Variants in MDC1 observed in about 807,000 individuals in gnomAD.
MDC1 encodes mediator of DNA damage checkpoint protein 1.
In MDC1, 81 loss-of-function variants were observed where a neutral mutation model predicts 142.5. The ratio of observed to expected loss-of-function variants is 0.57; its 90% confidence interval spans 0.47 to 0.68. The LOEUF (loss-of-function observed/expected upper bound fraction) is 0.68, where lower values mean the gene tolerates loss of function less well. Among genes scored for constraint, MDC1 ranks in the 30% least tolerant of loss-of-function variants. MDC1 has a pLI of 0.00. For missense variants in MDC1, 2,119 were observed against 2,547.9 expected, an observed-to-expected ratio of 0.83 and a Z score of 3.62; for synonymous variants, 797 against 968.4, an observed-to-expected ratio of 0.82 and a Z score of 3.29.
chr6:30,713,985 C>G lies in MDC1; in HGVS notation c.335G>C (p.Ser112Thr). The change falls in exon 3 of 15, where the codon AGT becomes ACT. Residue 112 changes from serine (S) to threonine (T), a missense_variant. By Grantham distance (58) the Ser-to-Thr change is moderately conservative. Coordinates refer to ENST00000376406, the MANE Select transcript of MDC1 (RefSeq NM_014641.3). The surrounding 1 kb of genome is among the most constrained non-coding windows in gnomAD (Gnocchi z 4.9). ...RPPKVLSPGVSHRLRDQELIL... is the reference protein window; with the variant it reads ...RPPKVLSPGVTHRLRDQELIL... ...CAATTCCTGGTCCCTCAGACGGTGACTCACCCCAGGGCTCAAAACCTTAGG... is the reference window on the plus strand; with the variant it reads ...CAATTCCTGGTCCCTCAGACGGTGAGTCACCCCAGGGCTCAAAACCTTAGG... The G allele has an allele frequency of 6.2e-7, 1 of 1,612,926 alleles. No individual in the cohort carries two copies. The highest frequency in any genetic ancestry group is 8.5e-7 in the Non-Finnish European group (1 of 1,180,008).
intron 5 of MDC1, 43 bp downstream of exon 5, chr6:30,711,831 C>A (rs1199137204): frequency 1.3e-6 from 2 of 1,548,610 alleles, no homozygotes; most frequent in Non-Finnish European, 1.7e-6. Flanking sequence ...CTGTTAGAAC[C>A]CTGGTTGATT....
intron 1 of MDC1, 189 bp downstream of exon 1, chr6:30,717,056 G>T: frequency 4.3e-6 from 1 of 231,966 alleles, no homozygotes; most frequent in Non-Finnish European, 7.1e-6. Context: ...GTTCCCTTGT[G>T]GCCCGACGTC....
rs1774196348 is a variant in MDC1, at chr6:30,707,980, T to C, written c.2599A>G (p.Arg867Gly). Residue 867 changes from arginine (R) to glycine (G), a missense_variant, in exon 8 of 15, where the codon AGA (arginine) becomes GGA (glycine). Physicochemically the swap from Arg to Gly is moderately radical, Grantham distance 125. Transcript: ENST00000376406. ...QDREQKQLLA[R>G]DTQRQESDKN... ...TCAGATTCTTGTCTCTGGGTGTCTC[T>C]AGCTAACAACTGTTTTTGTTCTCTG... 1 of 1,613,120 alleles carries C rather than the reference T, an allele frequency of 6.2e-7. No individual in the cohort carries two copies. The highest frequency in any genetic ancestry group is 8.5e-7 in the Non-Finnish European group (1 of 1,180,040).
chr6:30,704,695 T>C lies in MDC1; in HGVS notation c.4488A>G (p.Leu1496=). 1 of 1,597,758 alleles carries C rather than the reference T, an allele frequency of 6.3e-7. No homozygotes were observed. ...PETVVPTAPE[L]QASASTDQPV... is the part of the protein sequence containing the mutation. ...GCTGGTCTGTGGAGGCGGAAGCCTGTAGCTCAGGGGCTGTGGGGACAACTG... is the reference window on the plus strand; with the variant it reads ...GCTGGTCTGTGGAGGCGGAAGCCTGCAGCTCAGGGGCTGTGGGGACAACTG... The change falls in exon 10 of 15, where the codon CTA becomes CTG. Residue 1496 remains leucine (L), a synonymous_variant. Transcript: ENST00000376406.
Position 30,712,426 on chromosome 6 carries a change from G to A in MDC1, c.1516C>T (p.Pro506Ser). ...DDSVEADKSS[P>S]GIHLERSQAS... is the part of the protein sequence containing the mutation. ...TGGCTTCTCTCCAGGTGGATCCCAG[G>A]TGAGCTCTTATCTGCTTCCACACTG... is the stretch of plus-strand genomic sequence containing the variant. Residue 506 changes from proline to serine, a missense_variant, in exon 5 of 15, where the codon CCT becomes TCT. Coordinates refer to ENST00000376406, the MANE Select transcript of MDC1 (RefSeq NM_014641.3). This position sits in a 1 kb window ranked among gnomAD's most constrained non-coding sequence, Gnocchi z 4.7. The A allele has an allele frequency of 1.2e-6, 2 of 1,613,018 alleles. No individual in the cohort carries two copies. The highest frequency in any genetic ancestry group is 1.7e-6 in the Non-Finnish European group (2 of 1,179,988).
In MDC1 at chr6:30,709,944, T is replaced by C. The variant is rs531483991; in HGVS notation, c.2221+1468A>G. On this transcript the variant is annotated intron_variant, in intron 7 of 14. Coordinates refer to ENST00000376406, the MANE Select transcript of MDC1 (RefSeq NM_014641.3). This position sits in a 1 kb window ranked among gnomAD's most constrained non-coding sequence, Gnocchi z 4.2. ...TCACCCAGTTTGGAGTGCAGTGGCA[T>C]GACCTCAGCTCACTGCAACCTCTGC... is the stretch of plus-strand genomic sequence containing the variant. Among the ~76,000 whole-genome samples, 3 of 152,280 alleles carry C rather than the reference T, an allele frequency of 2.0e-5. No homozygotes were observed. Among genetic ancestry groups the C allele is most frequent in the Admixed American group, 6.5e-5 (1 of 15,296 alleles).
Position 30,703,413 on chromosome 6 carries a change from C to T in MDC1, c.5682+5G>A, listed in dbSNP as rs1773122793. On this transcript the variant is annotated splice_donor_5th_base_variant and intron_variant, in intron 11 of 14. Transcript: ENST00000376406. This position sits in a 1 kb window ranked among gnomAD's most constrained non-coding sequence, Gnocchi z 4.4. ...CCCACAAAGTCCCATGCCTTTGTCT[C>T]TTACTTTGGGGGCTGTTGATTCTTG... The T allele has an allele frequency of 1.2e-6, 2 of 1,613,798 alleles. No homozygotes were observed. Among genetic ancestry groups the T allele is most frequent in the South Asian group, 2.2e-5 (2 of 91,084 alleles).
Position 30,714,161 on chromosome 6 carries a change from C to A in MDC1, c.159G>T (p.Lys53Asn). 6.2e-7 allele frequency: 1 copy of A among 1,609,922 alleles called. No homozygotes were observed. Among genetic ancestry groups the A allele is most frequent in the Non-Finnish European group, 8.5e-7 (1 of 1,179,730 alleles). Reference protein sequence around the residue: ...PEKDFPLHLGKNVVGRMPDCS... With the variant: ...PEKDFPLHLGNNVVGRMPDCS... ...AGTCAGGCATTCGGCCTACCACATT[C>A]TTCCCGAGGTGTAGTGGGAAATCTA... Residue 53 changes from lysine (K) to asparagine (N), a missense_variant, in exon 3 of 15, where the codon AAG becomes AAT. Transcript: ENST00000376406.
intron 14 of MDC1, among the ~76,000 whole-genome samples, chr6:30,702,255 T>C (rs1772842381): frequency 3.3e-5 from 1 of 30,480 alleles, no homozygotes; most frequent in Non-Finnish European, 4.8e-5. Context: ...AGACTCCATC[T>C]CAAAAAAAAA....
Position 30,700,276 on chromosome 6 carries a change from C to A in MDC1, c.*189G>T. ...ATAAAATGGCCATTAAAAAAACAAACAAACAAACAAAAAACAACCTGTGGC... is the reference window on the plus strand; with the variant it reads ...ATAAAATGGCCATTAAAAAAACAAAAAAACAAACAAAAAACAACCTGTGGC... On this transcript the variant is annotated 3_prime_UTR_variant, in exon 15 of 15. Transcript: ENST00000376406. The A allele has an allele frequency of 2.0e-6, 1 of 494,134 alleles. No individual in the cohort carries two copies. The highest frequency in any genetic ancestry group is 3.4e-6 in the Non-Finnish European group (1 of 295,644). The allele number at this position is 494,134 out of a possible 1,614,324, so 30.6% of individuals were successfully genotyped here.
At position 30,704,715 on chromosome 6, in the gene MDC1, C is replaced by T; in HGVS notation, c.4468G>A (p.Val1490Ile). Residue 1490 changes from valine (V) to isoleucine (I), a missense_variant, in exon 10 of 15, where the codon GTC (valine) becomes ATC (isoleucine). By Grantham distance (29) the Val-to-Ile change is conservative. Transcript: ENST00000376406. ...RSSVKTPETV[V>I]PTAPELQASA... is the part of the protein sequence containing the mutation. ...GCCTGTAGCTCAGGGGCTGTGGGGA[C>T]AACTGTTTCAGGAGTCTTGACAGAG... The T allele has an allele frequency of 6.2e-7, 1 of 1,611,840 alleles. No individual in the cohort carries two copies. The highest frequency in any genetic ancestry group is 8.5e-7 in the Non-Finnish European group (1 of 1,179,160).
At chr6:30,707,205 CAG>C (rs1774022271) in intron 9 of MDC1, among the ~76,000 whole-genome samples, 177 bp downstream of exon 9, 2 of 152,034 alleles carry the variant, frequency 1.3e-5, no homozygotes, top group Admixed American at 1.3e-4. Flanking sequence ...ACTTAGGAAA[CAG>C]ATATGGAAAA....
rs1210313412 is a variant in MDC1 at position 30,712,613 on chromosome 6, C to T, written c.1329G>A (p.Gln443=). 2 of 1,612,940 alleles carry T rather than the reference C, an allele frequency of 1.2e-6. No homozygotes were observed. Among genetic ancestry groups the T allele is most frequent in the Admixed American group, 3.3e-5 (2 of 60,010 alleles). ...CTCTCTCAGTGGTGGTTTGGCTTCGCTGCAGAAGGACCACACGTTGGGGCA... is the reference window on the plus strand; with the variant it reads ...CTCTCTCAGTGGTGGTTTGGCTTCGTTGCAGAAGGACCACACGTTGGGGCA... ...EDMPQRVVLL[Q]RSQTTTERDS... is the part of the protein sequence containing the mutation. Residue 443 remains glutamine, a synonymous_variant, in exon 5 of 15, where the codon CAG becomes CAA. Transcript: ENST00000376406. This position sits in a 1 kb window ranked among gnomAD's most constrained non-coding sequence, Gnocchi z 4.7.
Position 30,700,418 on chromosome 6 carries a change from C to A in MDC1, c.*47G>T. ...CTAACGCCCTGAGTTCTTTCTTCCA[C>A]ATATCTTCTAATTCGTGGTCTGGGA... On this transcript the variant is annotated 3_prime_UTR_variant, in exon 15 of 15. Coordinates refer to ENST00000376406, the MANE Select transcript of MDC1 (RefSeq NM_014641.3). The A allele has an allele frequency of 6.3e-7, 1 of 1,576,990 alleles. No individual in the cohort carries two copies. Among genetic ancestry groups the A allele is most frequent in the South Asian group, 1.1e-5 (1 of 88,530 alleles).
At chr6:30,706,897 G>A (rs891791290) in intron 9 of MDC1, among the ~76,000 whole-genome samples, 1 of 151,796 alleles carries the variant, frequency 6.6e-6, no homozygotes, top group Non-Finnish European at 1.5e-5. Flanking sequence ...CCCAAGAGAC[G>A]GAGGTTACAG....
rs895261264 is a variant in MDC1, at chr6:30,707,662, C to A, written c.2917G>T (p.Ala973Ser). ...SSPTPEPGVGAGDLPGPTSAP... is the reference protein window; with the variant it reads ...SSPTPEPGVGSGDLPGPTSAP... ...GAGGTAGGTCCCGGAAGGTCCCCCG[C>A]CCCCACCCCAGGCTCTGGTGTTGGG... Residue 973 changes from alanine (A) to serine (S), a missense_variant, in exon 8 of 15, where the codon GCG becomes TCG. Physicochemically the swap from Ala to Ser is moderately conservative, Grantham distance 99 (BLOSUM62 1). Transcript: ENST00000376406. 1 of 1,613,088 alleles carries A rather than the reference C, an allele frequency of 6.2e-7. No individual in the cohort carries two copies. Among genetic ancestry groups the A allele is most frequent in the Non-Finnish European group, 8.5e-7 (1 of 1,180,042 alleles).
At position 30,716,412 on chromosome 6, in the gene MDC1, C is replaced by T. The variant is rs1043785724; in HGVS notation, c.-4+833G>A. ...CTAATTTTTGTATTTTTAGTAGAGA[C>T]GGGGTTTCACCACGGTCTCGAGCTC... On this transcript the variant is annotated intron_variant, in intron 1 of 14. Coordinates refer to ENST00000376406, the MANE Select transcript of MDC1 (RefSeq NM_014641.3). This position sits in a 1 kb window ranked among gnomAD's most constrained non-coding sequence, Gnocchi z 4.4. 6.6e-6 allele frequency among the ~76,000 whole-genome samples: 1 copy of T among 151,976 alleles called. No individual in the cohort carries two copies. Among genetic ancestry groups the T allele is most frequent in the African/African-American group, 2.4e-5 (1 of 41,394 alleles).
At position 30,708,976 on chromosome 6, in the gene MDC1, C is replaced by G. The variant is rs2517562; in HGVS notation, c.2222-619G>C. ...AGCCTGAGTGACAGAGACCCTGTCT[C>G]AAAAAAAGAAAGAAAGAAAGAAAGA... On this transcript the variant is annotated intron_variant, in intron 7 of 14. Coordinates refer to ENST00000376406, the MANE Select transcript of MDC1 (RefSeq NM_014641.3). Among the ~76,000 whole-genome samples, 1,034 of 147,272 alleles carry G rather than the reference C, an allele frequency of 7.0e-3. 10 individuals carry two copies. The highest frequency in any genetic ancestry group is 9.9e-3 in the Admixed American group (148 of 14,938).
intron 2 of MDC1, among the ~76,000 whole-genome samples, chr6:30,714,471 C>T (rs1011505317): frequency 2.6e-5 from 4 of 151,824 alleles, no homozygotes; most frequent in African/African-American, 9.7e-5. Context: ...GTGCAATCAT[C>T]ACTACCATCC....
Sources: gnomAD v4.1 joint callset for allele counts (sites outside exome capture counted in the v4.1 genomes callset) on GRCh38, gnomAD v4.1.1 for gene constraint, Gnocchi (gnomAD v3.1) non-coding constraint, MANE v1.5 for transcripts, NCBI Gene and HGNC (gene_info 2026-07-23, HGNC 2026-07-21) for gene names.